The following ZNF879 variants were observed in gnomAD, a reference collection of about 807,000 sequenced individuals.
ZNF879 encodes zinc finger protein 879.
ZNF879 carries 32 observed loss-of-function variants against 44.3 expected under a neutral mutation model. The ratio of observed to expected loss-of-function variants is 0.72; its 90% CI spans 0.54 to 0.97. ZNF879 has a LOEUF of 0.97. Among genes scored for constraint, ZNF879 ranks in the 50% least tolerant of loss-of-function variants. ZNF879 has a pLI of 0.00. For missense variants in ZNF879, 621 were observed against 669.7 expected (o/e 0.93, Z 0.80); for synonymous variants, 234 against 233.2 (o/e 1.00, Z -0.03).
Position 179,028,324 on chromosome 5 carries a change from T to G in ZNF879, c.256+197T>G, listed in dbSNP as rs113835481. Among the ~76,000 whole-genome samples, 1,285 of 152,308 alleles carry G rather than the reference T, an allele frequency of 8.4e-3. 21 individuals are homozygous for G. Among genetic ancestry groups the G allele is most frequent in the African/African-American group, 0.029 (1,186 of 41,558 alleles). On this transcript the variant is annotated intron_variant, in intron 4 of 4. Transcript: ENST00000444149. Reference sequence around the variant, plus strand: ...TTCTCCCAATATGGGTTGCACTGTTTTCAGATATCTTGTAATTTGCAGAAT... The same window carrying G: ...TTCTCCCAATATGGGTTGCACTGTTGTCAGATATCTTGTAATTTGCAGAAT...
rs151264765 is a variant in ZNF879, at chr5:179,032,082, T to C, written c.257-123T>C. ...CTGTCATCCTGCTTCCTTCCTCCTC[T>C]TCTTTTTCCCATCCTTTTCTAAGAT... On this transcript the variant is annotated intron_variant, in intron 4 of 4. Transcript: ENST00000444149. The C allele has an allele frequency of 1.7e-4, 136 of 805,532 alleles. No individual in the cohort carries two copies. The African/African-American group carries it at 1.9e-3, about 11-fold the overall frequency. The allele number at this position is 805,532 out of a possible 1,614,324, so 49.9% of individuals were successfully genotyped here.
chr5:179,024,806 C>T (rs952858838), intron 1 of ZNF879, 164 bp from the exon 2 acceptor site: 5 of 588,148 alleles, frequency 8.5e-6, no homozygotes, highest in Non-Finnish European at 1.2e-5. Flanking sequence ...GAACCTGCTT[C>T]CCACACTGGT....
intron 1 of ZNF879, 86 bp from the exon 2 acceptor site, chr5:179,024,884 C>T: frequency 9.2e-7 from 1 of 1,085,860 alleles, no homozygotes; most frequent in East Asian, 2.6e-5. Context: ...AGGTGCTCAG[C>T]TTATGGCTTC....
At chr5:179,027,719 C>A in intron 3 of ZNF879, 120 bp downstream of exon 3, 1 of 1,349,632 alleles carries the variant, frequency 7.4e-7, no homozygotes, top group Non-Finnish European at 1.0e-6. Flanking sequence ...TGGCCATTGC[C>A]ATTCCCCTTG....
chr5:179,028,525 G>C (rs189390544), intron 4 of ZNF879, among the ~76,000 whole-genome samples: 160 of 150,818 alleles, frequency 1.1e-3, no homozygotes, highest in Non-Finnish European at 2.1e-3. Flanking sequence ...ACCATCTTTT[G>C]CTTTGATTTC....
At chr5:179,026,575 T>C (rs1761276708) in intron 2 of ZNF879, among the ~76,000 whole-genome samples, 1 of 152,182 alleles carries the variant, frequency 6.6e-6, no homozygotes, top group African/African-American at 2.4e-5. Flanking sequence ...CTCGACCTCC[T>C]GGGCTCAGGC....
In ZNF879 at chr5:179,033,788, T is replaced by C; in HGVS notation, c.*148T>C. Reference sequence around the variant, plus strand: ...TCATCACACATCAGAGACTTCATGATGCAGGGTAACCTTGGGAATGCTAGA... The same window carrying C: ...TCATCACACATCAGAGACTTCATGACGCAGGGTAACCTTGGGAATGCTAGA... On this transcript the variant is annotated 3_prime_UTR_variant, in exon 5 of 5. Transcript: ENST00000444149. The C allele has an allele frequency of 1.8e-6, 1 of 549,828 alleles. No homozygotes were observed. The highest frequency in any genetic ancestry group is 3.1e-6 in the Non-Finnish European group (1 of 323,324). The allele number at this position is 549,828 out of a possible 1,614,324, so 34.1% of individuals were successfully genotyped here. A position where few individuals can be genotyped will look rare whatever the true frequency, so the allele number is the denominator to read the frequency against.
At chr5:179,028,155 G>T in intron 4 of ZNF879, 28 bp downstream of exon 4, 1 of 1,542,476 alleles carries the variant, frequency 6.5e-7, no homozygotes, top group South Asian at 1.2e-5. Flanking sequence ...TGGGAGATGG[G>T]CATAACATTT....
At chr5:179,028,200 C>T in intron 4 of ZNF879, 73 bp downstream of exon 4, 1 of 1,332,990 alleles carries the variant, frequency 7.5e-7, no homozygotes, top group East Asian at 2.5e-5. Context: ...AGGCTGCGCT[C>T]AAGGGTCTCC....
Position 179,027,990 on chromosome 5 carries a change from T to C in ZNF879, c.161-42T>C, listed in dbSNP as rs749286049. On this transcript the variant is annotated intron_variant, in intron 3 of 4. Transcript: ENST00000444149. ...TGGGCACTCTGGGGCTGGACCCGCCTGCTACGATGGCCGCTCACGTTTCTT... is the reference window on the plus strand; with the variant it reads ...TGGGCACTCTGGGGCTGGACCCGCCCGCTACGATGGCCGCTCACGTTTCTT... 6.5e-6 allele frequency: 10 copies of C among 1,532,168 alleles called. No homozygotes were observed. In the African/African-American group the frequency reaches 1.1e-4, roughly 17 times the overall value. 94.9% of individuals were successfully genotyped at this position (1,532,168 alleles called of 1,614,324 possible). A position where few individuals can be genotyped will look rare whatever the true frequency, so the allele number is the denominator to read the frequency against.
chr5:179,034,079 G>C lies in ZNF879; in HGVS notation c.*439G>C, dbSNP rs1298309427. 6.5e-6 allele frequency: 1 copy of C among 153,828 alleles called. No individual in the cohort carries two copies. The highest frequency in any genetic ancestry group is 1.9e-4 in the East Asian group (1 of 5,218). 9.5% of individuals were successfully genotyped at this position (153,828 alleles called of 1,614,324 possible). A position where few individuals can be genotyped will look rare whatever the true frequency, so the allele number is the denominator to read the frequency against. On this transcript the variant is annotated 3_prime_UTR_variant, in exon 5 of 5. Transcript: ENST00000444149. ...ATGTTTTAGAAAAGAAATATGTACA[G>C]GTGACCCATAGCTACCTCACTGTCA...
chr5:179,028,239 G>A (rs1761323184), intron 4 of ZNF879, 112 bp downstream of exon 4: 4 of 919,608 alleles, frequency 4.3e-6, no homozygotes, highest in Non-Finnish European at 5.1e-6. Context: ...GGGAAATGCT[G>A]GGAAGGTAGA....
At chr5:179,030,821 C>G (rs1351505732) in intron 4 of ZNF879, among the ~76,000 whole-genome samples, 1 of 152,138 alleles carries the variant, frequency 6.6e-6, no homozygotes, top group Non-Finnish European at 1.5e-5. Context: ...TGTACTGTAT[C>G]TTAAGTAACC....
intron 2 of ZNF879, among the ~76,000 whole-genome samples, chr5:179,025,501 G>A (rs6880315): frequency 0.29 from 44,863 of 152,106 alleles, 7,232 homozygotes; most frequent in African/African-American, 0.43. Flanking sequence ...CCAGTCTCAT[G>A]CTTTTTGACA....
Position 179,033,655 on chromosome 5 carries a change from A to G in ZNF879, c.*15A>G, listed in dbSNP as rs757347627. ...CTCATAATTGAGAAAAACTGTATAA[A>G]TGCATGTAGGAACTGAAGTTATATT... is the stretch of plus-strand genomic sequence containing the variant. On this transcript the variant is annotated 3_prime_UTR_variant, in exon 5 of 5. Coordinates refer to ENST00000444149, the MANE Select transcript of ZNF879 (RefSeq NM_001136116.3). 40 of 1,456,856 alleles carry G rather than the reference A, an allele frequency of 2.7e-5. No individual in the cohort carries two copies. In the East Asian group the frequency reaches 7.7e-4, roughly 28 times the overall value. The allele number at this position is 1,456,856 out of a possible 1,614,324, so 90.2% of individuals were successfully genotyped here.
intron 4 of ZNF879, 39 bp from the exon 5 acceptor site, chr5:179,032,166 C>G: frequency 7.2e-7 from 1 of 1,383,338 alleles, no homozygotes; most frequent in Non-Finnish European, 9.6e-7. Flanking sequence ...TTTTAAAATT[C>G]TGAGTTCAAG....
chr5:179,028,333 C>T (rs903824484), intron 4 of ZNF879, among the ~76,000 whole-genome samples: 1 of 152,164 alleles, frequency 6.6e-6, no homozygotes, highest in African/African-American at 2.4e-5. Context: ...TTTCAGATAT[C>T]TTGTAATTTG....
At chr5:179,027,725 C>A in intron 3 of ZNF879, 126 bp downstream of exon 3, 1 of 1,313,748 alleles carries the variant, frequency 7.6e-7, no homozygotes, top group Non-Finnish European at 1.0e-6. Context: ...TTGCCATTCC[C>A]CTTGGTTGTA....
chr5:179,031,100 T>G (rs1761404098), intron 4 of ZNF879, among the ~76,000 whole-genome samples: 1 of 152,136 alleles, frequency 6.6e-6, no homozygotes, highest in African/African-American at 2.4e-5. Context: ...CCAGGAAGAG[T>G]GCAGCGGCCT....
Sources: allele counts gnomAD v4.1 joint callset (sites outside exome capture counted in the v4.1 genomes callset), GRCh38; gene constraint gnomAD v4.1.1; transcripts MANE v1.5; gene names NCBI Gene and HGNC (gene_info 2026-07-23, HGNC 2026-07-21).